The following PLCB1 variants were observed in gnomAD, a reference collection of about 807,000 sequenced individuals.
PLCB1 encodes 1-phosphatidylinositol 4,5-bisphosphate phosphodiesterase beta-1.
A neutral mutation model predicts 161.8 loss-of-function variants in PLCB1; 46 were observed. That is an observed-to-expected ratio of 0.28 (90% confidence interval 0.22 to 0.36). The LOEUF (loss-of-function observed/expected upper bound fraction) is 0.36. Among genes scored for constraint, PLCB1 ranks in the 10% least tolerant of loss-of-function variants. PLCB1 has a pLI of 1.00. For missense variants in PLCB1, 1,016 were observed against 1,472.5 expected (o/e 0.69, Z 5.07); for synonymous variants, 517 against 503.7 (o/e 1.03, Z -0.35).
At chr20:8,256,159 G>T (rs139703363) in intron 2 of PLCB1, among the ~76,000 whole-genome samples, 92 of 152,234 alleles carry the variant, frequency 6.0e-4, no homozygotes, top group African/African-American at 2.1e-3. Flanking sequence ...AGTGATGCAT[G>T]ACTGTATTTC....
At chr20:8,774,057 C>T (rs75557173) in intron 26 of PLCB1, among the ~76,000 whole-genome samples, 3 of 152,166 alleles carry the variant, frequency 2.0e-5, no homozygotes, top group Non-Finnish European at 2.9e-5. Flanking sequence ...CACGTGCTCT[C>T]TGTTTATAAT....
chr20:8,463,323 T>G (rs1981674570), intron 3 of PLCB1, among the ~76,000 whole-genome samples: 1 of 152,080 alleles, frequency 6.6e-6, no homozygotes, highest in Non-Finnish European at 1.5e-5. Flanking sequence ...TGTGTACCCT[T>G]CCCTTATCCC....
chr20:8,343,324 T>C (rs551736128), intron 2 of PLCB1, among the ~76,000 whole-genome samples: 1 of 152,344 alleles, frequency 6.6e-6, no homozygotes, highest in Admixed American at 6.5e-5. Flanking sequence ...CAAAATCCCC[T>C]GTAGGCATGT....
chr20:8,752,926 G>A (rs979605298), intron 23 of PLCB1, among the ~76,000 whole-genome samples: 9 of 152,062 alleles, frequency 5.9e-5, no homozygotes, highest in South Asian at 2.1e-4. Context: ...GACCTGGCCC[G>A]CACAGCAGGA....
chr20:8,788,708 A>G lies in PLCB1; in HGVS notation c.3264A>G (p.Lys1088=). Residue 1088 remains lysine (K), a synonymous_variant, in exon 29 of 32, where the codon AAA becomes AAG. Coordinates refer to ENST00000338037, the MANE Select transcript of PLCB1 (RefSeq NM_015192.4). ...EKITEAKSKD[K]SQMEEEKTEM... is the part of the protein sequence containing the mutation. ...TAACAGAAGCTAAATCCAAAGACAA[A>G]AGTCAGATGGAAGAGTAAGTCAAAA... 6.2e-7 allele frequency: 1 copy of G among 1,607,724 alleles called. No homozygotes were observed. The highest frequency in any genetic ancestry group is 8.5e-7 in the Non-Finnish European group (1 of 1,176,038).
At chr20:8,171,498 T>C (rs1338006227) in intron 2 of PLCB1, among the ~76,000 whole-genome samples, 1 of 152,158 alleles carries the variant, frequency 6.6e-6, no homozygotes, top group African/African-American at 2.4e-5. Flanking sequence ...GAACCCCATC[T>C]GCCTGGGTTT....
intron 5 of PLCB1, among the ~76,000 whole-genome samples, chr20:8,646,413 G>A (rs990801458): frequency 7.2e-5 from 11 of 152,150 alleles, no homozygotes; most frequent in African/African-American, 4.8e-5. Flanking sequence ...GGCTAAGTTC[G>A]CATGAATGTC....
intron 3 of PLCB1, among the ~76,000 whole-genome samples, chr20:8,587,914 C>G (rs1448552390): frequency 6.6e-6 from 1 of 152,112 alleles, no homozygotes; most frequent in Non-Finnish European, 1.5e-5. Context: ...AGGTGACTTA[C>G]CAGGCCACTT....
chr20:8,275,895 AG>A (rs1246116470), intron 2 of PLCB1, among the ~76,000 whole-genome samples: 1 of 151,790 alleles, frequency 6.6e-6, no homozygotes, highest in Non-Finnish European at 1.5e-5. Context: ...GTCAGTGTCA[AG>A]GGTATTATAT....
chr20:8,291,459 T>C (rs755125726), intron 2 of PLCB1, among the ~76,000 whole-genome samples: 9 of 152,202 alleles, frequency 5.9e-5, no homozygotes, highest in Non-Finnish European at 1.0e-4. Flanking sequence ...ATGAAGCTAC[T>C]TGTGGAAGCC....
intron 2 of PLCB1, among the ~76,000 whole-genome samples, chr20:8,222,974 A>T (rs540741993): frequency 6.6e-6 from 1 of 152,100 alleles, no homozygotes; most frequent in Non-Finnish European, 1.5e-5. Flanking sequence ...GTGATTACCT[A>T]TGTCCATAGG....
intron 9 of PLCB1, among the ~76,000 whole-genome samples, chr20:8,670,380 A>G (rs1033598061): frequency 2.6e-5 from 4 of 152,226 alleles, no homozygotes; most frequent in Non-Finnish European, 4.4e-5. Context: ...TTCACACAAA[A>G]CCACATCAAA....
At chr20:8,812,458 G>A (rs1984873461) in intron 31 of PLCB1, among the ~76,000 whole-genome samples, 1 of 152,136 alleles carries the variant, frequency 6.6e-6, no homozygotes, top group Non-Finnish European at 1.5e-5. Context: ...TGAAAGCTGG[G>A]ACAAGACAAA....
chr20:8,730,850 T>A (rs1980202626), intron 18 of PLCB1, among the ~76,000 whole-genome samples: 1 of 151,726 alleles, frequency 6.6e-6, no homozygotes, highest in African/African-American at 2.4e-5. Context: ...TTTTAACAGA[T>A]TGTTTCTGGA....
chr20:8,527,486 T>G (rs948357271), intron 3 of PLCB1, among the ~76,000 whole-genome samples: 4 of 152,152 alleles, frequency 2.6e-5, no homozygotes, highest in Admixed American at 2.6e-4. Flanking sequence ...AGTAAGAATG[T>G]TGGTTGCCCA....
intron 2 of PLCB1, among the ~76,000 whole-genome samples, chr20:8,226,559 C>T (rs781528166): frequency 5.3e-5 from 8 of 152,136 alleles, no homozygotes; most frequent in Non-Finnish European, 1.0e-4. Context: ...ATATTATAAC[C>T]TCCTACTTCC....
intron 2 of PLCB1, among the ~76,000 whole-genome samples, chr20:8,266,400 C>G (rs549154663): frequency 6.6e-6 from 1 of 152,290 alleles, no homozygotes; most frequent in South Asian, 2.1e-4. Flanking sequence ...TTTTCTCAGG[C>G]TAGTCCAGTC....
chr20:8,403,977 T>A (rs1337825448), intron 3 of PLCB1, among the ~76,000 whole-genome samples: 1 of 152,242 alleles, frequency 6.6e-6, no homozygotes, highest in Admixed American at 6.5e-5. Context: ...TCCTTTATGA[T>A]GCAGAATTTA....
intron 3 of PLCB1, among the ~76,000 whole-genome samples, chr20:8,384,983 C>T (rs1166474096): frequency 2.0e-5 from 3 of 152,158 alleles, no homozygotes; most frequent in Admixed American, 1.3e-4. Context: ...CTGACAACCA[C>T]GTTGGAGGGT....
Sources: allele counts gnomAD v4.1 joint callset (sites outside exome capture counted in the v4.1 genomes callset), GRCh38; gene constraint gnomAD v4.1.1; transcripts MANE v1.5; gene names NCBI Gene and HGNC (gene_info 2026-07-23, HGNC 2026-07-21).